Variants in DPH5 observed in about 807,000 individuals in gnomAD.
DPH5 encodes the protein diphthine methyl ester synthase.
A neutral mutation model predicts 31.6 loss-of-function variants in DPH5; 31 were observed. That is an observed-to-expected ratio of 0.98 (90% CI 0.74 to 1.32). The LOEUF is 1.32. DPH5 is among the 40% of genes most tolerant of loss of function. The pLI is 0.00. For synonymous variants in DPH5, 120 were observed against 115.0 expected (o/e 1.04, Z -0.28); for missense variants, 309 against 335.7 (o/e 0.92, Z 0.62).
intron 4 of DPH5, among the ~76,000 whole-genome samples, chr1:101,004,321 A>G (rs1475570305): frequency 2.6e-5 from 4 of 152,194 alleles, no homozygotes; most frequent in Non-Finnish European, 4.4e-5. Flanking sequence ...ACTATACTAG[A>G]GCAAAGTCAC....
Position 100,990,404 on chromosome 1 carries a change from ATGTTCAAAG to A in DPH5, c.853_*3del. On this transcript the variant is annotated stop_lost and 3_prime_UTR_variant, in exon 8 of 8. Transcript: ENST00000370109. Reference sequence around the variant, plus strand: ...TTACATCAGACAATGGTAAATATCTATGTTCAAAGTCCATTGATGCTTTGAGATTCTGAG... The same window carrying A: ...TTACATCAGACAATGGTAAATATCTATCCATTGATGCTTTGAGATTCTGAG... 1.2e-6 allele frequency: 2 copies of A among 1,613,076 alleles called. No individual in the cohort carries two copies. Among genetic ancestry groups the A allele is most frequent in the Non-Finnish European group, 8.5e-7 (1 of 1,179,092 alleles).
chr1:101,024,720 CA>C (rs1466275069), intron 2 of DPH5, among the ~76,000 whole-genome samples: 1 of 152,172 alleles, frequency 6.6e-6, no homozygotes, highest in East Asian at 1.9e-4. Flanking sequence ...AATATACTAA[CA>C]AATACTTTGG....
intron 2 of DPH5, among the ~76,000 whole-genome samples, chr1:101,022,152 A>G (rs1171356636): frequency 6.6e-6 from 1 of 152,244 alleles, no homozygotes; most frequent in African/African-American, 2.4e-5. Flanking sequence ...ATATTAAACA[A>G]TAAGTTTAAA....
intron 5 of DPH5, 128 bp downstream of exon 5, chr1:101,001,339 G>A (rs182828175): frequency 2.4e-6 from 2 of 846,436 alleles, no homozygotes; most frequent in Non-Finnish European, 3.6e-6. Context: ...AGTGTGGTCT[G>A]CATAGAATGG....
chr1:101,021,774 A>T lies in DPH5; in HGVS notation c.136-9T>A. On this transcript the variant is annotated splice_polypyrimidine_tract_variant and intron_variant, in intron 2 of 7. Coordinates refer to ENST00000370109, the MANE Select transcript of DPH5 (RefSeq NM_015958.3). ...CTTCCATAAAACTCTTCCTACAGAT[A>T]TAAGTCCAATATCAAGATAAAGAGA... 1 of 1,609,648 alleles carries T rather than the reference A, an allele frequency of 6.2e-7. No individual in the cohort carries two copies. Among genetic ancestry groups the T allele is most frequent in the South Asian group, 1.1e-5 (1 of 90,582 alleles).
intron 5 of DPH5, chr1:100,996,217 T>C (rs1468333867): frequency 6.6e-6 from 1 of 152,192 alleles, no homozygotes; most frequent in Non-Finnish European, 1.5e-5. Flanking sequence ...GTTAGTCAAC[T>C]TTCAGATTTC....
intron 4 of DPH5, among the ~76,000 whole-genome samples, chr1:101,010,981 G>C (rs1321360656): frequency 1.3e-5 from 2 of 152,116 alleles, no homozygotes. Flanking sequence ...TACTATATCA[G>C]AAAGTCTGAA....
intron 4 of DPH5, among the ~76,000 whole-genome samples, chr1:101,013,351 C>A (rs915984627): frequency 1.3e-5 from 2 of 152,174 alleles, no homozygotes; most frequent in African/African-American, 4.8e-5. Flanking sequence ...TTAAGAAATG[C>A]AGCATCACAA....
rs187230132 is a variant in DPH5 at position 101,025,245 on chromosome 1, G to C, written c.135+64C>G. ...AGACCTGAAAATTCTGTTCAGCTTAGTGTATGAAAATCAGATGTTAGATAG... is the reference window on the plus strand; with the variant it reads ...AGACCTGAAAATTCTGTTCAGCTTACTGTATGAAAATCAGATGTTAGATAG... On this transcript the variant is annotated intron_variant, in intron 2 of 7. Coordinates refer to ENST00000370109, the MANE Select transcript of DPH5 (RefSeq NM_015958.3). The C allele has an allele frequency of 3.0e-4, 475 of 1,594,068 alleles. 7 individuals are homozygous for C. In the East Asian group the frequency reaches 9.9e-3, roughly 33 times the overall value.
At chr1:101,006,683 A>G (rs2101209460) in intron 4 of DPH5, among the ~76,000 whole-genome samples, 1 of 152,312 alleles carries the variant, frequency 6.6e-6, no homozygotes, top group South Asian at 2.1e-4. Flanking sequence ...AAAAGTAACG[A>G]TAAGAATCAC....
chr1:100,991,842 A>T (rs1251490629), intron 7 of DPH5, among the ~76,000 whole-genome samples: 1 of 150,664 alleles, frequency 6.6e-6, no homozygotes, highest in East Asian at 1.9e-4. Context: ...CACACCTGTA[A>T]TCCCAACACT....
chr1:101,002,541 T>C (rs1485617137), intron 4 of DPH5, among the ~76,000 whole-genome samples: 1 of 152,240 alleles, frequency 6.6e-6, no homozygotes, highest in Non-Finnish European at 1.5e-5. Context: ...ACATTTATTT[T>C]CAAAGACAAT....
chr1:101,020,068 G>T (rs1444978521), intron 3 of DPH5, among the ~76,000 whole-genome samples: 5 of 152,162 alleles, frequency 3.3e-5, no homozygotes, highest in Non-Finnish European at 7.4e-5. Flanking sequence ...AAGACTTCAA[G>T]ATTTAAGGCC....
intron 3 of DPH5, among the ~76,000 whole-genome samples, chr1:101,019,172 CTG>C (rs750556814): frequency 1.5e-3 from 228 of 152,332 alleles, no homozygotes; most frequent in Non-Finnish European, 2.9e-3. Context: ...ATGTTTGAGA[CTG>C]TCAACTCTCA....
chr1:100,991,418 A>T (rs1042612565), intron 7 of DPH5, among the ~76,000 whole-genome samples: 2 of 152,236 alleles, frequency 1.3e-5, no homozygotes, highest in East Asian at 3.8e-4. Flanking sequence ...TTATGGATAT[A>T]GAACATCCTT....
chr1:100,995,224 A>T (rs1287349629), intron 5 of DPH5, 75 bp from the exon 6 acceptor site: 3 of 984,662 alleles, frequency 3.0e-6, no homozygotes, highest in Non-Finnish European at 4.6e-6. Flanking sequence ...ACCTCAGTTA[A>T]GAGTCACCTA....
At chr1:101,021,515 G>C in intron 3 of DPH5, 126 bp downstream of exon 3, 1 of 883,286 alleles carries the variant, frequency 1.1e-6, no homozygotes. Context: ...ATTTTAGATA[G>C]CGCTTAAGTA....
rs1558055943 is a variant in DPH5, at chr1:101,025,387, G to C, written c.57C>G (p.Gly19=). Reference sequence around the variant, plus strand: ...GACTGCAGCGTCTAACAACTTCCAGGCCCTTGACTGTGATGTCCTTGGCAT... The same window carrying C: ...GACTGCAGCGTCTAACAACTTCCAGCCCCTTGACTGTGATGTCCTTGGCAT... ...LGDAKDITVK[G]LEVVRRCSRV... Residue 19 remains glycine, a synonymous_variant, in exon 2 of 8, where the codon GGC becomes GGG. Coordinates refer to ENST00000370109, the MANE Select transcript of DPH5 (RefSeq NM_015958.3). 6.2e-7 allele frequency: 1 copy of C among 1,614,168 alleles called. No individual in the cohort carries two copies. Among genetic ancestry groups the C allele is most frequent in the Admixed American group, 1.7e-5 (1 of 60,022 alleles).
At chr1:101,012,196 C>T (rs1412061563) in intron 4 of DPH5, among the ~76,000 whole-genome samples, 1 of 152,194 alleles carries the variant, frequency 6.6e-6, no homozygotes, top group Non-Finnish European at 1.5e-5. Context: ...CTACCACGCC[C>T]AGCCATCCGT....
Sources: allele counts gnomAD v4.1 joint callset (sites outside exome capture counted in the v4.1 genomes callset), GRCh38; gene constraint gnomAD v4.1.1; transcripts MANE v1.5; gene names NCBI Gene and HGNC (gene_info 2026-07-23, HGNC 2026-07-21).